PCDH15: variants seen among roughly 807,000 people sequenced by gnomAD.
PCDH15 encodes protocadherin-15.
In PCDH15, 129 loss-of-function variants were observed where a neutral mutation model predicts 178.5. The ratio of observed to expected loss-of-function variants is 0.72; its 90% confidence interval spans 0.63 to 0.84. PCDH15 has a LOEUF of 0.84. PCDH15 is among the 40% of genes least tolerant of loss of function. The pLI, the probability that PCDH15 is intolerant of heterozygous loss-of-function variation, is 0.00. For synonymous variants in PCDH15, 800 were observed against 732.0 expected, an observed-to-expected ratio of 1.09 and a Z score of -1.50; for missense variants, 2,230 against 2,099.9, an observed-to-expected ratio of 1.06 and a Z score of -1.21.
At chr10:53,859,407 C>A (rs2078960578) in intron 27 of PCDH15, among the ~76,000 whole-genome samples, 1 of 152,160 alleles carries the variant, frequency 6.6e-6, no homozygotes, top group African/African-American at 2.4e-5. Context: ...CTCTTTATTA[C>A]TGGTTCTTTC....
chr10:54,616,649 A>G (rs1325504051), intron 2 of PCDH15, among the ~76,000 whole-genome samples: 1 of 152,096 alleles, frequency 6.6e-6, no homozygotes, highest in East Asian at 1.9e-4. Flanking sequence ...GTTGAGAATT[A>G]TACCACTGGA....
At chr10:54,423,409 G>A (rs1955805724) in intron 3 of PCDH15, among the ~76,000 whole-genome samples, 1 of 151,902 alleles carries the variant, frequency 6.6e-6, no homozygotes, top group African/African-American at 2.4e-5. Flanking sequence ...GGAGTTAGGT[G>A]AGAGGGAAGA....
rs1837949090 is a variant in PCDH15 at position 55,397,120 on chromosome 10, C to G, written c.-155-230469G>C. 2.0e-5 allele frequency among the ~76,000 whole-genome samples: 3 copies of G among 152,142 alleles called. No individual in the cohort carries two copies. In the South Asian group the frequency reaches 6.2e-4, roughly 32 times the overall value. On this transcript the variant is annotated intron_variant, in intron 2 of 5. Coordinates refer to the PCDH15 transcript ENST00000613346. ...AAATTACTCAACAACTGCAGTAGAA[C>G]TAGATGTAATAGCTACAATAATATT... is the stretch of plus-strand genomic sequence containing the variant.
Position 54,581,213 on chromosome 10 carries a change from G to T in PCDH15, c.92-53336C>A, listed in dbSNP as rs67201483. Among the ~76,000 whole-genome samples, 25 of 152,018 alleles carry T rather than the reference G, an allele frequency of 1.6e-4. 1 individual carries two copies. The highest frequency in any genetic ancestry group is 6.8e-3 in the Middle Eastern group (2 of 294). ...GAAACCTCAAAGACTCTGCTGAAAG[G>T]CTCCTGAAATGGATAAATGACTTCA... On this transcript the variant is annotated intron_variant, in intron 2 of 37. Transcript: ENST00000644397.
intron 2 of PCDH15, among the ~76,000 whole-genome samples, chr10:55,027,521 T>C (rs1055948973): frequency 6.6e-6 from 1 of 151,850 alleles, no homozygotes; most frequent in African/African-American, 2.4e-5. Context: ...GGATTGTTAT[T>C]GAGGGCTTCT....
chr10:54,139,429 T>C (rs896709007), intron 14 of PCDH15, among the ~76,000 whole-genome samples: 1 of 152,160 alleles, frequency 6.6e-6, no homozygotes, highest in African/African-American at 2.4e-5. Context: ...TGAATAAATG[T>C]TGTAGGTACA....
intron 2 of PCDH15, among the ~76,000 whole-genome samples, chr10:55,412,890 C>G (rs930477392): frequency 6.9e-6 from 1 of 143,918 alleles, no homozygotes; most frequent in Non-Finnish European, 1.5e-5. Flanking sequence ...CACACACACA[C>G]ACACACACAC....
At chr10:53,876,016 T>C (rs2080201286) in intron 26 of PCDH15, among the ~76,000 whole-genome samples, 1 of 152,146 alleles carries the variant, frequency 6.6e-6, no homozygotes, top group Non-Finnish European at 1.5e-5. Flanking sequence ...TTTAACGGTA[T>C]TGAAGGCTCA....
At chr10:54,206,106 A>G (rs2050766063) in intron 10 of PCDH15, among the ~76,000 whole-genome samples, 1 of 152,168 alleles carries the variant, frequency 6.6e-6, no homozygotes, top group African/African-American at 2.4e-5. Flanking sequence ...CTTCACTTCA[A>G]GTAAGAATAT....
At chr10:55,410,786 G>A (rs1467721705) in intron 2 of PCDH15, among the ~76,000 whole-genome samples, 1 of 152,024 alleles carries the variant, frequency 6.6e-6, no homozygotes, top group Non-Finnish European at 1.5e-5. Context: ...GTCAGACAAG[G>A]AAGCAGCAAC....
At chr10:55,202,646 G>A (rs555959365) in intron 1 of PCDH15, among the ~76,000 whole-genome samples, 2 of 152,208 alleles carry the variant, frequency 1.3e-5, no homozygotes, top group South Asian at 4.1e-4. Context: ...CACTCTACTT[G>A]ATGTGGTTTG....
intron 37 of PCDH15, chr10:53,808,328 G>GTATATATATATATATATA (rs780455021): frequency 3.2e-5 from 10 of 309,892 alleles, no homozygotes; most frequent in African/African-American, 2.7e-4. Context: ...TAGTGTGTGT[G>GTATATATATATATATATA]TGTATATATA....
intron 2 of PCDH15, among the ~76,000 whole-genome samples, chr10:54,905,930 A>G (rs534048125): frequency 6.6e-6 from 1 of 152,234 alleles, no homozygotes; most frequent in African/African-American, 2.4e-5. Flanking sequence ...TTCTAAATAT[A>G]CTCAGATTAA....
chr10:55,352,512 A>G (rs1282445596), intron 2 of PCDH15, among the ~76,000 whole-genome samples: 1 of 152,178 alleles, frequency 6.6e-6, no homozygotes, highest in Non-Finnish European at 1.5e-5. Flanking sequence ...GAAAGCAATC[A>G]TCGAAGCTGA....
chr10:54,545,393 C>A (rs1692456327), intron 2 of PCDH15, among the ~76,000 whole-genome samples: 1 of 152,026 alleles, frequency 6.6e-6, no homozygotes, highest in African/African-American at 2.4e-5. Flanking sequence ...GAACTTATAA[C>A]CAAAACAAAT....
At chr10:55,466,045 G>A (rs1839825058) in intron 2 of PCDH15, among the ~76,000 whole-genome samples, 1 of 151,926 alleles carries the variant, frequency 6.6e-6, no homozygotes, top group African/African-American at 2.4e-5. Context: ...AGACAGTGGG[G>A]GTATAATGAT....
intron 1 of PCDH15, among the ~76,000 whole-genome samples, chr10:54,724,526 A>C (rs1248420558): frequency 6.6e-6 from 1 of 151,590 alleles, no homozygotes; most frequent in Non-Finnish European, 1.5e-5. Flanking sequence ...CCCGAATCTA[A>C]AATAAAATTA....
Position 55,013,294 on chromosome 10 carries a change from A to T in PCDH15, c.-79-115794T>A, listed in dbSNP as rs888331909. Among the ~76,000 whole-genome samples, 3 of 152,172 alleles carry T rather than the reference A, an allele frequency of 2.0e-5. No homozygotes were observed. The East Asian group carries it at 5.8e-4, about 29-fold the overall frequency. The stretch of plus-strand genomic sequence containing the variant: ...CTCCTCCAACAGTTCTGTGCACAGT[A>T]CCTGAAAAAATCTTTTGAAAATGCA... On this transcript the variant is annotated intron_variant, in intron 2 of 5. Transcript: ENST00000458638.
At chr10:54,819,357 A>G (rs1724938733) in intron 3 of PCDH15, among the ~76,000 whole-genome samples, 1 of 151,974 alleles carries the variant, frequency 6.6e-6, no homozygotes, top group Non-Finnish European at 1.5e-5. Flanking sequence ...AATCATTTTC[A>G]ATTGGTTTAA....
Sources: allele counts gnomAD v4.1 joint callset (sites outside exome capture counted in the v4.1 genomes callset), GRCh38; gene constraint gnomAD v4.1.1; transcripts MANE v1.5; gene names NCBI Gene and HGNC (gene_info 2026-07-23, HGNC 2026-07-21).